The following GNA14 variants were observed in gnomAD, a reference collection of about 807,000 sequenced individuals.
GNA14 encodes G protein subunit alpha 14.
A neutral mutation model predicts 42.0 loss-of-function variants in GNA14; 50 were observed. The observed-to-expected ratio is 1.19, with a 90% CI of 0.95 to 1.51. The LOEUF is 1.51. GNA14 is among the 40% of genes most tolerant of loss of function. The pLI is 0.00. For synonymous variants in GNA14, 173 were observed against 163.1 expected (o/e 1.06, Z -0.46); for missense variants, 473 against 446.2 (o/e 1.06, Z -0.54).
intron 2 of GNA14, among the ~76,000 whole-genome samples, chr9:77,436,191 A>C (rs1165173361): frequency 1.3e-5 from 2 of 152,186 alleles, no homozygotes; most frequent in African/African-American, 2.4e-5. Context: ...TGGAGACTGT[A>C]GGACCTTCAG....
At chr9:77,532,565 A>T (rs550181950) in intron 1 of GNA14, among the ~76,000 whole-genome samples, 1 of 152,386 alleles carries the variant, frequency 6.6e-6, no homozygotes, top group South Asian at 2.1e-4. Context: ...CTCAACACTC[A>T]GACATCAAGT....
At chr9:77,492,479 A>T (rs1216860787) in intron 2 of GNA14, among the ~76,000 whole-genome samples, 1 of 152,060 alleles carries the variant, frequency 6.6e-6, no homozygotes, top group Non-Finnish European at 1.5e-5. Context: ...AAAAAAGGAG[A>T]CGTAACAACT....
At chr9:77,490,501 G>A (rs909341969) in intron 2 of GNA14, among the ~76,000 whole-genome samples, 1 of 152,276 alleles carries the variant, frequency 6.6e-6, no homozygotes, top group African/African-American at 2.4e-5. Flanking sequence ...CTCAGGCATG[G>A]CGGGCTGCAG....
At chr9:77,511,509 G>C (rs140376184) in intron 2 of GNA14, among the ~76,000 whole-genome samples, 1 of 152,170 alleles carries the variant, frequency 6.6e-6, no homozygotes, top group Non-Finnish European at 1.5e-5. Flanking sequence ...GACAATGTAC[G>C]CATCCCCCTT....
chr9:77,620,088 ACACACACACACGTG>A (rs1309312400), intron 1 of GNA14, among the ~76,000 whole-genome samples: 2 of 146,884 alleles, frequency 1.4e-5, no homozygotes, highest in African/African-American at 5.5e-5. Flanking sequence ...GTGTGTGTGC[ACACACACACACGTG>A]CACACACACA....
intron 2 of GNA14, among the ~76,000 whole-genome samples, chr9:77,458,905 G>GCGGGC (rs1554689041): frequency 2.1e-5 from 1 of 47,952 alleles, no homozygotes; most frequent in Non-Finnish European, 3.8e-5. Flanking sequence ...ACAAGCTGGA[G>GCGGGC]GGGGGGGGGT....
At chr9:77,545,695 C>G (rs1166276955) in intron 1 of GNA14, among the ~76,000 whole-genome samples, 1 of 152,102 alleles carries the variant, frequency 6.6e-6, no homozygotes, top group Admixed American at 6.5e-5. Context: ...TCAGAGTGTC[C>G]AACTCATCCT....
chr9:77,577,139 C>A (rs1306865724), intron 1 of GNA14, among the ~76,000 whole-genome samples: 1 of 152,186 alleles, frequency 6.6e-6, no homozygotes, highest in African/African-American at 2.4e-5. Context: ...ATATGCAGAT[C>A]CACAGAAGAG....
chr9:77,556,624 G>A (rs1359646178), intron 1 of GNA14, among the ~76,000 whole-genome samples: 1 of 152,082 alleles, frequency 6.6e-6, no homozygotes, highest in Non-Finnish European at 1.5e-5. Context: ...TCACAACTGT[G>A]TGCTCAGAGT....
In GNA14 at chr9:77,647,699, G is replaced by A; in HGVS notation, c.95C>T (p.Ala32Val). The change falls in exon 1 of 7, where the codon GCG becomes GTG. Residue 32 changes from alanine (A) to valine (V), a missense_variant. Coordinates refer to ENST00000341700, the MANE Select transcript of GNA14 (RefSeq NM_004297.4). ...CAGCAGCAGCTTAAGCTCACGGCGCGCGTCCTTCTTGTCCCGACGAAGCTG... is the reference window on the plus strand; with the variant it reads ...CAGCAGCAGCTTAAGCTCACGGCGCACGTCCTTCTTGTCCCGACGAAGCTG... ...ERQLRRDKKD[A>V]RRELKLLLLG... 1 of 1,610,194 alleles carries A rather than the reference G, an allele frequency of 6.2e-7. No homozygotes were observed. The highest frequency in any genetic ancestry group is 8.5e-7 in the Non-Finnish European group (1 of 1,178,628).
At chr9:77,532,082 C>T (rs1295143953) in intron 1 of GNA14, among the ~76,000 whole-genome samples, 3 of 152,086 alleles carry the variant, frequency 2.0e-5, no homozygotes, top group Non-Finnish European at 4.4e-5. Context: ...CGGAGATCCT[C>T]CACTCTCATT....
At chr9:77,499,692 A>T (rs1318535925) in intron 2 of GNA14, among the ~76,000 whole-genome samples, 7 of 152,144 alleles carry the variant, frequency 4.6e-5, no homozygotes, top group African/African-American at 1.7e-4. Context: ...TCTACTAAAA[A>T]TACAAAAATT....
At chr9:77,566,147 T>G (rs989176673) in intron 1 of GNA14, among the ~76,000 whole-genome samples, 2 of 91,734 alleles carry the variant, frequency 2.2e-5, no homozygotes, top group African/African-American at 1.6e-4. Flanking sequence ...GAGTGCTTCT[T>G]TTTTTTTTTT....
At chr9:77,432,562 C>A (rs1835574939) in intron 3 of GNA14, among the ~76,000 whole-genome samples, 1 of 152,184 alleles carries the variant, frequency 6.6e-6, no homozygotes, top group African/African-American at 2.4e-5. Flanking sequence ...AATCAGCAGA[C>A]ATCTCTAGCT....
chr9:77,569,287 A>AG (rs890096275), intron 1 of GNA14, among the ~76,000 whole-genome samples: 11 of 152,088 alleles, frequency 7.2e-5, no homozygotes, highest in Non-Finnish European at 7.4e-5. Context: ...GTAACTAGCA[A>AG]GGGGGGCAGG....
intron 2 of GNA14, among the ~76,000 whole-genome samples, chr9:77,457,553 A>C (rs1392092488): frequency 6.6e-6 from 1 of 152,198 alleles, no homozygotes; most frequent in African/African-American, 2.4e-5. Flanking sequence ...AGTGTGAGAA[A>C]GCAGCCAAGA....
In GNA14 at chr9:77,431,354, T is replaced by C; in HGVS notation, c.560A>G (p.Glu187Gly). ...GATGTTTTCCAAGTCAAATGGATAC[T>C]CAATGATGCCGGTGGTGGGCACTCG... Reference protein sequence around the residue: ...RVRVPTTGIIEYPFDLENIIF... With the variant: ...RVRVPTTGIIGYPFDLENIIF... Residue 187 changes from glutamate (E) to glycine (G), a missense_variant, in exon 4 of 7, where the codon GAG (glutamate) becomes GGG (glycine). Transcript: ENST00000341700. 6.2e-7 allele frequency: 1 copy of C among 1,613,920 alleles called. No individual in the cohort carries two copies.
chr9:77,462,065 A>G (rs910895138), intron 2 of GNA14, among the ~76,000 whole-genome samples: 1 of 152,216 alleles, frequency 6.6e-6, no homozygotes, highest in Non-Finnish European at 1.5e-5. Context: ...CCACTTGTCC[A>G]GCCTGCATAG....
intron 1 of GNA14, chr9:77,635,203 A>T (rs968667445): frequency 1.3e-5 from 2 of 152,182 alleles, no homozygotes; most frequent in Admixed American, 6.5e-5. Flanking sequence ...CCAAAAATCA[A>T]AAAATATGGA....
Sources: allele counts gnomAD v4.1 joint callset (sites outside exome capture counted in the v4.1 genomes callset), GRCh38; gene constraint gnomAD v4.1.1; transcripts MANE v1.5; gene names NCBI Gene and HGNC (gene_info 2026-07-23, HGNC 2026-07-21).